ANO3: variants seen among roughly 807,000 people sequenced by gnomAD.
ANO3 encodes anoctamin 3.
ANO3 carries 99 observed loss-of-function variants against 144.8 expected under a neutral mutation model. That is an observed-to-expected ratio of 0.68 (90% CI 0.58 to 0.81). ANO3 has a LOEUF of 0.81. Among genes scored for constraint, ANO3 ranks in the 30% least tolerant of loss-of-function variants. The pLI is 0.00. For missense variants in ANO3, 905 were observed against 1,202.2 expected (o/e 0.75, Z 3.66); for synonymous variants, 414 against 392.6 (o/e 1.05, Z -0.64).
At chr11:26,252,184 T>C (rs913146764) in intron 1 of ANO3, among the ~76,000 whole-genome samples, 1 of 152,210 alleles carries the variant, frequency 6.6e-6, no homozygotes, top group African/African-American at 2.4e-5. Flanking sequence ...GTCACGTTAT[T>C]TAATACAACT....
At chr11:26,465,160 G>GTGTT (rs1248056122) in intron 4 of ANO3, among the ~76,000 whole-genome samples, 1 of 126,304 alleles carries the variant, frequency 7.9e-6, no homozygotes, top group Non-Finnish European at 1.7e-5. Flanking sequence ...GTGTGTGTGT[G>GTGTT]TCTGTGTGTG....
At position 26,660,412 on chromosome 11, in the gene ANO3, A is replaced by C; in HGVS notation, c.2914A>C (p.Ser972Arg). 1 of 1,613,016 alleles carries C rather than the reference A, an allele frequency of 6.2e-7. No individual in the cohort carries two copies. Among genetic ancestry groups the C allele is most frequent in the Non-Finnish European group, 8.5e-7 (1 of 1,179,486 alleles). The part of the protein sequence containing the change: ...LEHLQQQRRK[S>R]GQPVHHEWP ...ACATTTGCAACAACAACGGAGAAAA[A>C]GTGGTCAGCCTGTTCACCATGAATG... The change falls in exon 27 of 27, where the codon AGT (serine) becomes CGT (arginine). Residue 972 changes from serine to arginine, a missense_variant. By Grantham distance (110) the Ser-to-Arg change is moderately radical (BLOSUM62 -1). Around this residue, in one of 4 missense-constraint regions of ANO3, gnomAD observed 597 missense variants for 865.1 expected, o/e 0.69. Transcript: ENST00000256737.
chr11:26,534,709 T>C (rs143813961), intron 9 of ANO3, 147 bp downstream of exon 9: 47 of 446,106 alleles, frequency 1.1e-4, no homozygotes, highest in African/African-American at 5.9e-4. Flanking sequence ...AGCATTCCAT[T>C]TTTCAGCCTT....
intron 1 of ANO3, among the ~76,000 whole-genome samples, chr11:26,284,515 G>C (rs1372550386): frequency 6.6e-6 from 1 of 152,188 alleles, no homozygotes; most frequent in Non-Finnish European, 1.5e-5. Flanking sequence ...TGAAATCAGA[G>C]AATGAGAGAG....
At chr11:26,654,629 A>G (rs1853628452) in intron 24 of ANO3, among the ~76,000 whole-genome samples, 1 of 152,102 alleles carries the variant, frequency 6.6e-6, no homozygotes, top group Admixed American at 6.6e-5. Context: ...GGCAATGTTG[A>G]ATAGAAATAG....
At chr11:26,300,778 G>A (rs932264139) in intron 1 of ANO3, among the ~76,000 whole-genome samples, 1 of 151,604 alleles carries the variant, frequency 6.6e-6, no homozygotes, top group Non-Finnish European at 1.5e-5. Context: ...GCATAATATC[G>A]CTCATATTCT....
At chr11:26,557,232 C>T (rs375926989) in intron 13 of ANO3, among the ~76,000 whole-genome samples, 20 of 152,070 alleles carry the variant, frequency 1.3e-4, no homozygotes, top group Middle Eastern at 3.4e-3. Flanking sequence ...GAGGCCGAGG[C>T]GGGCGGATCA....
intron 3 of ANO3, among the ~76,000 whole-genome samples, chr11:26,454,385 T>C (rs1219538821): frequency 1.3e-5 from 2 of 151,840 alleles, no homozygotes; most frequent in African/African-American, 4.8e-5. Flanking sequence ...TAAAAAATGA[T>C]AAAGGGGATA....
chr11:26,332,008 T>G (rs1381941384), upstream of ANO3: 2 of 938,242 alleles, frequency 2.1e-6, no homozygotes, highest in Admixed American at 3.0e-5. Flanking sequence ...CGCCCACCCC[T>G]CACTGTGGCA....
chr11:26,202,534 G>A (rs1228240049), intron 1 of ANO3, among the ~76,000 whole-genome samples: 4 of 151,312 alleles, frequency 2.6e-5, no homozygotes, highest in Admixed American at 6.6e-5. Context: ...AACACAGGGC[G>A]GGTAATTAAA....
chr11:26,544,273 T>TATATATATATATATATATGTATAC, intron 11 of ANO3, among the ~76,000 whole-genome samples: 1 of 58,544 alleles, frequency 1.7e-5, no homozygotes, highest in Non-Finnish European at 3.6e-5. Context: ...TATATATATA[T>TATATATATATATATATATGTATAC]ACACACATAC....
rs376956282 is a variant in ANO3, at chr11:26,658,823, G to A, written c.2764-1439G>A. ...GACCTTCCTTATTATGATCTACTTT[G>A]CAGTACAGTCTCTTGGGACACATAT... On this transcript the variant is annotated intron_variant, in intron 26 of 26. Coordinates refer to ENST00000256737, the MANE Select transcript of ANO3 (RefSeq NM_031418.4). Among the ~76,000 whole-genome samples the A allele has an allele frequency of 1.8e-4, 27 of 151,978 alleles. 1 individual carries two copies. The highest frequency in any genetic ancestry group is 6.0e-4 in the African/African-American group (25 of 41,460).
intron 1 of ANO3, among the ~76,000 whole-genome samples, chr11:26,290,762 A>G (rs12280369): frequency 0.048 from 7,371 of 152,184 alleles, 572 homozygotes; most frequent in African/African-American, 0.17. Context: ...TGATTGCACT[A>G]TGGGCTGAGA....
chr11:26,385,889 G>C (rs908001551), intron 1 of ANO3, among the ~76,000 whole-genome samples: 1 of 127,378 alleles, frequency 7.9e-6, no homozygotes, highest in Middle Eastern at 3.9e-3. Flanking sequence ...AGTTCTTTGT[G>C]TGTGTATATA....
At chr11:26,407,447 T>A (rs1366378321) in intron 1 of ANO3, among the ~76,000 whole-genome samples, 2 of 151,808 alleles carry the variant, frequency 1.3e-5, no homozygotes, top group Admixed American at 1.3e-4. Flanking sequence ...ATATTTAGTA[T>A]TAAATGAATA....
At chr11:26,418,409 G>C (rs1857655313) in intron 1 of ANO3, among the ~76,000 whole-genome samples, 1 of 152,008 alleles carries the variant, frequency 6.6e-6, no homozygotes, top group Non-Finnish European at 1.5e-5. Context: ...GGGGACTTCA[G>C]AACCTCCCCA....
At chr11:26,322,962 G>T (rs996970015) in intron 1 of ANO3, among the ~76,000 whole-genome samples, 4 of 151,950 alleles carry the variant, frequency 2.6e-5, no homozygotes, top group Non-Finnish European at 5.9e-5. Flanking sequence ...ATGGACTCAT[G>T]GATATATATT....
intron 1 of ANO3, among the ~76,000 whole-genome samples, chr11:26,360,772 T>C (rs574295613): frequency 1.2e-4 from 18 of 152,358 alleles, no homozygotes; most frequent in African/African-American, 3.8e-4. Flanking sequence ...TCTAAAAGTT[T>C]ATTCATATCT....
intron 17 of ANO3, among the ~76,000 whole-genome samples, chr11:26,613,889 T>A (rs983862118): frequency 1.3e-5 from 2 of 152,308 alleles, no homozygotes; most frequent in Admixed American, 1.3e-4. Flanking sequence ...ATCTGTATGG[T>A]GAGTTTCCTG....
Sources: allele counts gnomAD v4.1 joint callset (sites outside exome capture counted in the v4.1 genomes callset), GRCh38; gene constraint gnomAD v4.1.1; regional missense constraint gnomAD v4.1.1; transcripts MANE v1.5; gene names NCBI Gene and HGNC (gene_info 2026-07-23, HGNC 2026-07-21).